CWC27: variants seen among roughly 807,000 people sequenced by gnomAD.
CWC27 encodes the protein spliceosome-associated protein CWC27 homolog.
Under a neutral mutation model 63.6 loss-of-function variants are expected in CWC27, and 47 were observed. The ratio of observed to expected loss-of-function variants is 0.74; its 90% CI spans 0.58 to 0.94. The LOEUF is 0.94. CWC27 is among the 40% of genes least tolerant of loss of function. The pLI is 0.00. For synonymous variants in CWC27, 175 were observed against 179.8 expected, an observed-to-expected ratio of 0.97 and a Z score of 0.22; for missense variants, 495 against 554.3, an observed-to-expected ratio of 0.89 and a Z score of 1.07.
intron 10 of CWC27, among the ~76,000 whole-genome samples, chr5:64,838,772 A>G (rs1161535298): frequency 6.6e-6 from 1 of 152,176 alleles, no homozygotes; most frequent in Non-Finnish European, 1.5e-5. Context: ...GCTCTTGATT[A>G]TTTTATGTTA....
chr5:65,007,867 A>T (rs1749878876), intron 13 of CWC27, among the ~76,000 whole-genome samples: 1 of 151,950 alleles, frequency 6.6e-6, no homozygotes, highest in African/African-American at 2.4e-5. Flanking sequence ...TGACCTCGTG[A>T]TCCGCCCGCC....
intron 13 of CWC27, among the ~76,000 whole-genome samples, chr5:64,977,866 CA>C (rs1172471203): frequency 1.3e-5 from 2 of 152,036 alleles, no homozygotes; most frequent in African/African-American, 4.8e-5. Flanking sequence ...CCTCTGTCCT[CA>C]AGTTGACTTC....
chr5:64,940,315 GGGCACCGTTCCTCAC>G (rs1192887489), intron 11 of CWC27, among the ~76,000 whole-genome samples: 1 of 152,158 alleles, frequency 6.6e-6, no homozygotes, highest in Non-Finnish European at 1.5e-5. Flanking sequence ...CTGGGCTGGA[GGGCACCGTTCCTCAC>G]GGCACAGTCC....
chr5:64,819,422 T>G (rs1255133098), intron 10 of CWC27, among the ~76,000 whole-genome samples: 1 of 152,088 alleles, frequency 6.6e-6, no homozygotes, highest in East Asian at 1.9e-4. Context: ...CCAAATCTCC[T>G]CTTGAATTGT....
At chr5:64,948,182 T>C (rs1033969809) in intron 11 of CWC27, among the ~76,000 whole-genome samples, 1 of 152,036 alleles carries the variant, frequency 6.6e-6, no homozygotes, top group Non-Finnish European at 1.5e-5. Flanking sequence ...AAATTGTAGG[T>C]AGTAATTCAC....
At chr5:64,900,577 T>A (rs967280827) in intron 11 of CWC27, among the ~76,000 whole-genome samples, 8 of 152,172 alleles carry the variant, frequency 5.3e-5, no homozygotes, top group African/African-American at 1.9e-4. Flanking sequence ...TCTAACTTAT[T>A]AACTTTGTTC....
intron 13 of CWC27, among the ~76,000 whole-genome samples, chr5:64,978,709 C>T (rs1238046287): frequency 6.6e-6 from 1 of 151,444 alleles, no homozygotes; most frequent in Non-Finnish European, 1.5e-5. Flanking sequence ...TTGCCAAGTC[C>T]TCTTCCCTTT....
intron 2 of CWC27, among the ~76,000 whole-genome samples, chr5:64,776,733 A>G (rs570530843): frequency 7.9e-5 from 12 of 152,266 alleles, no homozygotes; most frequent in Non-Finnish European, 1.8e-4. Flanking sequence ...GATTTAGACG[A>G]GTCATAATGT....
Position 64,769,040 on chromosome 5 carries a change from C to T in CWC27, c.-107C>T. 1.1e-6 allele frequency: 1 copy of T among 914,028 alleles called. No homozygotes were observed. Among genetic ancestry groups the T allele is most frequent in the East Asian group, 2.4e-5 (1 of 41,072 alleles). 56.6% of individuals were successfully genotyped at this position (914,028 alleles called of 1,614,324 possible). A position where few individuals can be genotyped will look rare whatever the true frequency, so the allele number is the denominator to read the frequency against. ...GTGATATTGACAAACTGAAGCTTTC[C>T]TGCACCACTGGACTTAAGGAAGAGT... On this transcript the variant is annotated 5_prime_UTR_variant, in exon 1 of 14. Transcript: ENST00000381070.
At chr5:64,848,611 C>T (rs1366222546) in intron 10 of CWC27, among the ~76,000 whole-genome samples, 1 of 152,052 alleles carries the variant, frequency 6.6e-6, no homozygotes. Flanking sequence ...AAACCAAATT[C>T]AATTATACAT....
intron 13 of CWC27, among the ~76,000 whole-genome samples, chr5:64,990,155 C>T (rs891591633): frequency 2.6e-5 from 4 of 151,546 alleles, no homozygotes; most frequent in African/African-American, 9.7e-5. Flanking sequence ...AATATTCATT[C>T]ATCAACTTTT....
chr5:64,997,036 T>C (rs1247343338), intron 13 of CWC27, among the ~76,000 whole-genome samples: 1 of 152,158 alleles, frequency 6.6e-6, no homozygotes, highest in Non-Finnish European at 1.5e-5. Context: ...CCCCTTTAAA[T>C]TGTAGAAAAT....
intron 2 of CWC27, among the ~76,000 whole-genome samples, chr5:64,777,655 A>G (rs925852473): frequency 1.3e-5 from 2 of 152,118 alleles, no homozygotes; most frequent in Non-Finnish European, 2.9e-5. Flanking sequence ...ATCTTTTTTC[A>G]ATAGTGGAGA....
chr5:64,828,585 C>A (rs1424268340), intron 10 of CWC27, among the ~76,000 whole-genome samples: 1 of 151,874 alleles, frequency 6.6e-6, no homozygotes, highest in Non-Finnish European at 1.5e-5. Flanking sequence ...TCTTGGGCCT[C>A]TTTTATAAGT....
chr5:64,847,312 A>G (rs1453277375), intron 10 of CWC27, among the ~76,000 whole-genome samples: 1 of 152,208 alleles, frequency 6.6e-6, no homozygotes, highest in African/African-American at 2.4e-5. Flanking sequence ...ACAATGATGA[A>G]GGGGTCAATT....
chr5:64,935,836 T>C (rs1248745608), intron 11 of CWC27, among the ~76,000 whole-genome samples: 3 of 152,212 alleles, frequency 2.0e-5, no homozygotes, highest in African/African-American at 7.2e-5. Context: ...GTTGTATTCC[T>C]AGGTATTTTA....
chr5:64,974,973 C>T (rs1331006024), intron 12 of CWC27, among the ~76,000 whole-genome samples: 2 of 152,152 alleles, frequency 1.3e-5, no homozygotes, highest in Non-Finnish European at 1.5e-5. Flanking sequence ...TCTATAACCT[C>T]TACTCTAAAA....
intron 10 of CWC27, among the ~76,000 whole-genome samples, chr5:64,868,742 C>T (rs1244799684): frequency 6.6e-6 from 1 of 151,576 alleles, no homozygotes; most frequent in African/African-American, 2.4e-5. Context: ...GCCAATAAAA[C>T]TTTTTTTTTG....
At chr5:64,883,042 G>A (rs1746983883) in intron 10 of CWC27, among the ~76,000 whole-genome samples, 1 of 152,166 alleles carries the variant, frequency 6.6e-6, no homozygotes, top group Admixed American at 6.5e-5. Context: ...GCATGACTGG[G>A]GAGGCCTCAG....
Sources: allele counts gnomAD v4.1 joint callset (sites outside exome capture counted in the v4.1 genomes callset), GRCh38; gene constraint gnomAD v4.1.1; transcripts MANE v1.5; gene names NCBI Gene and HGNC (gene_info 2026-07-23, HGNC 2026-07-21).